NAV3: variants seen among roughly 807,000 people sequenced by gnomAD.
NAV3 encodes neuron navigator 3, also known as pore membrane and/or filament interacting like protein 1.
A neutral mutation model predicts 244.7 loss-of-function variants in NAV3; 87 were observed. The ratio of observed to expected loss-of-function variants is 0.36; its 90% CI spans 0.30 to 0.42. The LOEUF is 0.42. Among genes scored for constraint, NAV3 ranks in the 20% least tolerant of loss-of-function variants. The pLI is 1.00. For missense variants in NAV3, 2,663 were observed against 2,893.3 expected (o/e 0.92, Z 1.83); for synonymous variants, 1,126 against 1,042.2 (o/e 1.08, Z -1.55).
At chr12:78,131,675 A>T (rs561215674) in intron 18 of NAV3, among the ~76,000 whole-genome samples, 1 of 152,164 alleles carries the variant, frequency 6.6e-6, no homozygotes, top group Non-Finnish European at 1.5e-5. Context: ...AGGAACAAAA[A>T]GACTCACCAC....
At chr12:78,172,868 T>A (rs1013997355) in intron 24 of NAV3, among the ~76,000 whole-genome samples, 3 of 151,620 alleles carry the variant, frequency 2.0e-5, no homozygotes, top group African/African-American at 7.3e-5. Flanking sequence ...TGAGAAGTTA[T>A]TGAAAGGTCT....
intron 12 of NAV3, among the ~76,000 whole-genome samples, chr12:78,097,330 G>A (rs921763251): frequency 1.3e-5 from 2 of 152,196 alleles, no homozygotes; most frequent in Admixed American, 1.3e-4. Context: ...GGAGACAGCA[G>A]TTGGCTGTTT....
intron 12 of NAV3, among the ~76,000 whole-genome samples, chr12:78,101,344 G>A (rs1038481762): frequency 2.0e-5 from 3 of 152,170 alleles, no homozygotes; most frequent in Non-Finnish European, 2.9e-5. Context: ...TTCATAAAGG[G>A]AATGACATTT....
intron 6 of NAV3, among the ~76,000 whole-genome samples, chr12:77,996,173 G>C (rs1412275152): frequency 1.3e-5 from 2 of 152,174 alleles, no homozygotes; most frequent in Admixed American, 6.5e-5. Flanking sequence ...GATAAAATTT[G>C]TTTATGTGTG....
chr12:77,749,323 A>G (rs1868720620), intron 2 of NAV3, among the ~76,000 whole-genome samples: 1 of 152,238 alleles, frequency 6.6e-6, no homozygotes, highest in East Asian at 1.9e-4. Flanking sequence ...TCAGGGATCA[A>G]ACCTAGTAGG....
intron 2 of NAV3, among the ~76,000 whole-genome samples, chr12:77,629,639 A>G (rs1871796126): frequency 6.8e-6 from 1 of 148,138 alleles, no homozygotes; most frequent in African/African-American, 2.6e-5. Context: ...GTTCTCTGCA[A>G]TGTGGCACCA....
At chr12:78,024,026 A>G (rs1000017608) in intron 9 of NAV3, among the ~76,000 whole-genome samples, 10 of 152,086 alleles carry the variant, frequency 6.6e-5, no homozygotes, top group Admixed American at 5.2e-4. Flanking sequence ...CTCACTGATT[A>G]TATACTCCTA....
intron 1 of NAV3, among the ~76,000 whole-genome samples, chr12:77,875,911 T>C (rs1021374474): frequency 6.6e-6 from 1 of 152,174 alleles, no homozygotes; most frequent in Non-Finnish European, 1.5e-5. Flanking sequence ...TGTAGTCTCC[T>C]GAAGAAAAAT....
upstream of NAV3, among the ~76,000 whole-genome samples, chr12:77,828,369 T>C (rs1447686972): frequency 2.0e-5 from 3 of 152,130 alleles, no homozygotes; most frequent in Non-Finnish European, 2.9e-5. Flanking sequence ...TTGTTATTTA[T>C]AAATTACCCA....
chr12:77,736,191 C>A (rs1348686680), intron 2 of NAV3, among the ~76,000 whole-genome samples: 1 of 152,154 alleles, frequency 6.6e-6, no homozygotes, highest in Non-Finnish European at 1.5e-5. Flanking sequence ...TCTGTCTTAT[C>A]AAATACTCAG....
intron 2 of NAV3, among the ~76,000 whole-genome samples, chr12:77,711,659 G>A (rs150901583): frequency 1.0e-3 from 155 of 152,332 alleles, no homozygotes; most frequent in African/African-American, 3.4e-3. Context: ...AGCAAGATTA[G>A]GCAGGGTGTC....
Position 78,122,080 on chromosome 12 carries a change from G to T in NAV3, c.3890G>T (p.Ser1297Ile). The T allele has an allele frequency of 6.2e-7, 1 of 1,614,200 alleles. No individual in the cohort carries two copies. Among genetic ancestry groups the T allele is most frequent in the Non-Finnish European group, 8.5e-7 (1 of 1,180,030 alleles). ...SLESPSSGTGSMGSAGGLSGS... is the reference protein window; with the variant it reads ...SLESPSSGTGIMGSAGGLSGS... ...GAGTCACCGTCGTCCGGTACGGGCA[G>T]CATGGGCAGTGCTGGTGGGCTAAGC... The change falls in exon 16 of 40, where the codon AGC becomes ATC. Residue 1297 changes from serine (S) to isoleucine (I), a missense_variant. Ser to Ile is a moderately radical substitution (Grantham distance 142). Coordinates refer to ENST00000397909, the MANE Select transcript of NAV3 (RefSeq NM_001024383.2).
At chr12:77,984,412 T>C (rs970097998) in intron 5 of NAV3, among the ~76,000 whole-genome samples, 1 of 151,816 alleles carries the variant, frequency 6.6e-6, no homozygotes, top group Admixed American at 6.6e-5. Context: ...TGCAGGGTAA[T>C]AGCGGCTAAA....
intron 20 of NAV3, among the ~76,000 whole-genome samples, chr12:78,142,725 GTGTGTGTGTGTGTATATATA>G (rs1956680461): frequency 5.0e-5 from 1 of 19,806 alleles, no homozygotes; most frequent in African/African-American, 2.6e-4. Context: ...ACATATATAT[GTGTGTGTGTGTGTATATATA>G]TATTTATAGG....
chr12:78,187,246 A>G (rs543527252), intron 31 of NAV3, among the ~76,000 whole-genome samples: 86 of 151,978 alleles, frequency 5.7e-4, no homozygotes, highest in African/African-American at 2.1e-3. Flanking sequence ...ACATATTAAG[A>G]GATTGAGGGT....
intron 2 of NAV3, among the ~76,000 whole-genome samples, chr12:77,677,474 C>T (rs1874256938): frequency 6.6e-6 from 1 of 152,154 alleles, no homozygotes; most frequent in South Asian, 2.1e-4. Context: ...ACAAGGGTCC[C>T]AACACATATT....
chr12:77,657,148 C>A (rs918992905), intron 2 of NAV3, among the ~76,000 whole-genome samples: 8 of 151,742 alleles, frequency 5.3e-5, no homozygotes, highest in Admixed American at 2.0e-4. Context: ...AAACCCTTCA[C>A]AAAATTAATG....
intron 2 of NAV3, among the ~76,000 whole-genome samples, chr12:77,650,082 C>T (rs1872759365): frequency 1.3e-5 from 2 of 152,136 alleles, no homozygotes; most frequent in Non-Finnish European, 2.9e-5. Context: ...TTCTATTGCT[C>T]CCTCCTGTTT....
chr12:77,876,619 A>G (rs1881886833), intron 1 of NAV3, among the ~76,000 whole-genome samples: 1 of 152,108 alleles, frequency 6.6e-6, no homozygotes, highest in Non-Finnish European at 1.5e-5. Flanking sequence ...AGTGGAATCT[A>G]TAGACAGTAG....
Sources: gnomAD v4.1 joint callset for allele counts (sites outside exome capture counted in the v4.1 genomes callset) on GRCh38, gnomAD v4.1.1 for gene constraint, MANE v1.5 for transcripts, NCBI Gene and HGNC (gene_info 2026-07-23, HGNC 2026-07-21) for gene names.